The following BRF1 variants were observed in gnomAD, a reference collection of about 807,000 sequenced individuals.
The protein encoded by BRF1 is transcription factor IIIB 90 kDa subunit.
BRF1 carries 59 observed loss-of-function variants against 81.7 expected under a neutral mutation model. The ratio of observed to expected loss-of-function variants is 0.72; its 90% CI spans 0.59 to 0.90. The LOEUF (loss-of-function observed/expected upper bound fraction) is 0.90. Among genes scored for constraint, BRF1 ranks in the 40% least tolerant of loss-of-function variants. The pLI is 0.00. For missense variants in BRF1, 1,050 were observed against 936.3 expected, an observed-to-expected ratio of 1.12 and a Z score of -1.58; for synonymous variants, 491 against 395.6, an observed-to-expected ratio of 1.24 and a Z score of -2.86.
At chr14:105,259,304 G>A (rs1333558946) in intron 3 of BRF1, among the ~76,000 whole-genome samples, 1 of 152,088 alleles carries the variant, frequency 6.6e-6, no homozygotes, top group Non-Finnish European at 1.5e-5. Flanking sequence ...AATTAGCCGG[G>A]TATGGTGACA....
At chr14:105,214,482 CAGCTGCCCA>C (rs2141378978) in intron 15 of BRF1, among the ~76,000 whole-genome samples, 2 of 47,514 alleles carry the variant, frequency 4.2e-5, no homozygotes, top group Middle Eastern at 7.9e-3. Context: ...CTGCGTGGCT[CAGCTGCCCA>C]CACCCCTGCA....
chr14:105,312,364 C>A (rs745549413), intron 1 of BRF1, among the ~76,000 whole-genome samples: 3 of 152,248 alleles, frequency 2.0e-5, no homozygotes, highest in Non-Finnish European at 2.9e-5. Context: ...CCTCCGGGGA[C>A]CCCGGGCAGC....
At chr14:105,248,856 G>A (rs1454974247) in intron 5 of BRF1, 2 of 990,176 alleles carry the variant, frequency 2.0e-6, no homozygotes, top group East Asian at 1.1e-4. Flanking sequence ...TGCCCCCGCC[G>A]CCCCGCCCGC....
chr14:105,264,036 G>C (rs2056286617), intron 3 of BRF1, among the ~76,000 whole-genome samples: 1 of 151,828 alleles, frequency 6.6e-6, no homozygotes, highest in South Asian at 2.1e-4. Context: ...TACCAAGCAT[G>C]ACAAAAGACA....
At chr14:105,314,682 C>G (rs1418446443) in intron 1 of BRF1, 1 of 142,886 alleles carries the variant, frequency 7.0e-6, no homozygotes, top group Non-Finnish European at 1.5e-5. Context: ...GCGCCGGGCG[C>G]GCGCGGGGCG....
chr14:105,215,139 G>A (rs921781799), intron 15 of BRF1, among the ~76,000 whole-genome samples: 1 of 152,186 alleles, frequency 6.6e-6, no homozygotes, highest in Non-Finnish European at 1.5e-5. Flanking sequence ...AGGAAGCAGT[G>A]CACGAACACG....
intron 1 of BRF1, among the ~76,000 whole-genome samples, chr14:105,313,179 T>C (rs746578429): frequency 2.0e-5 from 3 of 152,218 alleles, no homozygotes; most frequent in Non-Finnish European, 4.4e-5. Flanking sequence ...AGGCACCATG[T>C]GTCAGGCGGC....
At chr14:105,293,155 C>T (rs1381610478) in intron 1 of BRF1, among the ~76,000 whole-genome samples, 14 of 152,236 alleles carry the variant, frequency 9.2e-5, no homozygotes, top group South Asian at 8.3e-4. Flanking sequence ...GGAGGCCAGG[C>T]GCATGCTCAG....
chr14:105,279,907 T>C (rs1243168153), intron 2 of BRF1, among the ~76,000 whole-genome samples: 56 of 152,158 alleles, frequency 3.7e-4, no homozygotes, highest in Non-Finnish European at 8.8e-5. Context: ...AAACAGCACG[T>C]TCTAGAACGG....
intron 3 of BRF1, among the ~76,000 whole-genome samples, chr14:105,262,892 G>C (rs587773365): frequency 6.6e-6 from 1 of 152,088 alleles, no homozygotes; most frequent in East Asian, 1.9e-4. Context: ...ATTGCCTGAG[G>C]ACAGGAGTTC....
intron 4 of BRF1, among the ~76,000 whole-genome samples, chr14:105,253,415 T>TC (rs2055714642): frequency 2.0e-5 from 3 of 152,174 alleles, no homozygotes; most frequent in Admixed American, 2.0e-4. Flanking sequence ...CCCCCGGGCC[T>TC]CACAGGCTTG....
At position 105,209,373 on chromosome 14, in the gene BRF1, G is replaced by C. The variant is rs1157529871; in HGVS notation, c.*1178C>G. 6.7e-6 allele frequency: 4 copies of C among 596,016 alleles called. No homozygotes were observed. Among genetic ancestry groups the C allele is most frequent in the Non-Finnish European group, 1.2e-5 (4 of 331,822 alleles). 36.9% of individuals were successfully genotyped at this position (596,016 alleles called of 1,614,324 possible). On this transcript the variant is annotated 3_prime_UTR_variant, in exon 18 of 18. Transcript: ENST00000547530. ...AGAAGCCCTGGCAGGACCCAGGCTG[G>C]CTACTGAGCTCTGGGCGGGGGTAGG...
chr14:105,254,486 A>T (rs587721187), intron 4 of BRF1, among the ~76,000 whole-genome samples: 24 of 152,216 alleles, frequency 1.6e-4, no homozygotes, highest in African/African-American at 2.6e-4. Context: ...CTCGATCTCC[A>T]GACCTCCTGA....
chr14:105,293,048 A>G (rs7146683), intron 1 of BRF1, among the ~76,000 whole-genome samples: 46,635 of 152,118 alleles, frequency 0.31, 7,390 homozygotes, highest in African/African-American at 0.34. Flanking sequence ...CCCGTTTCCT[A>G]AGAGCAGGCA....
chr14:105,248,864 C>G, intron 5 of BRF1: 1 of 990,048 alleles, frequency 1.0e-6, no homozygotes, highest in Non-Finnish European at 1.2e-6. Context: ...CCGCCCCGCC[C>G]GCGAAGATGG....
chr14:105,250,812 G>A (rs2055562879), intron 5 of BRF1: 1 of 926,666 alleles, frequency 1.1e-6, no homozygotes, highest in Non-Finnish European at 1.6e-6. Flanking sequence ...ACTGTGTAGA[G>A]ACATTTTCCA....
chr14:105,220,192 C>A, intron 11 of BRF1, 62 bp from the exon 12 acceptor site: 10 of 1,597,472 alleles, frequency 6.3e-6, no homozygotes, highest in Non-Finnish European at 8.6e-6. Flanking sequence ...AGCGTGGCCA[C>A]CACCTGGGCT....
In BRF1 at chr14:105,277,628, T is replaced by C. The variant is rs191888645; in HGVS notation, c.266-4734A>G. On this transcript the variant is annotated intron_variant, in intron 2 of 17. Transcript: ENST00000547530. ...TCTCCCCCATCTCCAGCTCAAACTT[T>C]CCAGCTCCAAAAGTGTGAGAAACAC... Among the ~76,000 whole-genome samples the C allele has an allele frequency of 5.9e-3, 891 of 152,266 alleles. 12 individuals carry two copies. Among genetic ancestry groups the C allele is most frequent in the South Asian group, 0.015 (70 of 4,824 alleles).
chr14:105,293,445 GGT>G (rs1300221026), intron 1 of BRF1, among the ~76,000 whole-genome samples: 2 of 152,244 alleles, frequency 1.3e-5, no homozygotes, highest in Non-Finnish European at 2.9e-5. Context: ...GTGACACTGA[GGT>G]GTGCTGCTCC....
Sources: gnomAD v4.1 joint callset for allele counts (sites outside exome capture counted in the v4.1 genomes callset) on GRCh38, gnomAD v4.1.1 for gene constraint, MANE v1.5 for transcripts, NCBI Gene and HGNC (gene_info 2026-07-23, HGNC 2026-07-21) for gene names.